The following STEAP1B variants were observed in gnomAD, a reference collection of about 807,000 sequenced individuals.
STEAP1B encodes STEAP family protein MGC87042.
STEAP1B carries 13 observed loss-of-function variants against 27.9 expected under a neutral mutation model. That is an observed-to-expected ratio of 0.47 (90% confidence interval 0.30 to 0.74). The LOEUF is 0.74. Among genes scored for constraint, STEAP1B ranks in the 30% least tolerant of loss-of-function variants. The pLI, the probability that STEAP1B is intolerant of heterozygous loss-of-function variation, is 0.06. For synonymous variants in STEAP1B, 86 were observed against 107.1 expected (o/e 0.80, Z 1.22); for missense variants, 250 against 298.7 (o/e 0.84, Z 1.20).
chr7:22,497,794 T>C (rs1273633727), intron 1 of STEAP1B, among the ~76,000 whole-genome samples: 2 of 152,200 alleles, frequency 1.3e-5, no homozygotes, highest in East Asian at 1.9e-4. Context: ...AAAGGAAGCA[T>C]GGCAACATCT....
chr7:22,481,959 T>TTAA (rs1786082384), intron 4 of STEAP1B, among the ~76,000 whole-genome samples: 1 of 152,208 alleles, frequency 6.6e-6, no homozygotes, highest in Non-Finnish European at 1.5e-5. Flanking sequence ...TCATGCCTAA[T>TTAA]TAAGTAAAAC....
chr7:22,497,207 T>C (rs10261548), intron 1 of STEAP1B, among the ~76,000 whole-genome samples: 16,206 of 152,244 alleles, frequency 0.11, 1,069 homozygotes, highest in African/African-American at 0.17. Flanking sequence ...GCATGGTCAT[T>C]CTCTGATATT....
At position 22,464,948 on chromosome 7, in the gene STEAP1B, C is replaced by CAT. The variant is rs75308240; in HGVS notation, c.762+27615_762+27616dup. On this transcript the variant is annotated intron_variant, in intron 4 of 4. Transcript: ENST00000678116. ...CGAAACCACAGACAGTACCAAACCC[C>CAT]ATATATATATATATATGTAGGCACA... Among the ~76,000 whole-genome samples, 326 of 45,032 alleles carry CAT rather than the reference C, an allele frequency of 7.2e-3. 71 individuals carry two copies. Among genetic ancestry groups the CAT allele is most frequent in the African/African-American group, 0.015 (270 of 17,788 alleles). The allele number at this position is 45,032 out of a possible 152,430, so 29.5% of individuals were successfully genotyped here.
chr7:22,482,067 TG>T (rs1456575799), intron 4 of STEAP1B, among the ~76,000 whole-genome samples: 3 of 152,196 alleles, frequency 2.0e-5, no homozygotes, highest in Non-Finnish European at 2.9e-5. Context: ...GAGCCATGTC[TG>T]GGTCTGGTCC....
chr7:22,431,681 C>T (rs1331157774), intron 4 of STEAP1B, among the ~76,000 whole-genome samples: 1 of 152,204 alleles, frequency 6.6e-6, no homozygotes, highest in East Asian at 1.9e-4. Context: ...TGACTTATAG[C>T]TGAATTTGAT....
intron 4 of STEAP1B, among the ~76,000 whole-genome samples, chr7:22,456,952 C>CTATATATATATATA (rs199847360): frequency 2.2e-4 from 16 of 73,248 alleles, no homozygotes; most frequent in East Asian, 1.6e-3. Flanking sequence ...GGATAGGCAG[C>CTATATATATATATA]TATATATATA....
chr7:22,458,579 A>G (rs1196930840), intron 4 of STEAP1B, among the ~76,000 whole-genome samples: 2 of 152,246 alleles, frequency 1.3e-5, no homozygotes, highest in East Asian at 1.9e-4. Flanking sequence ...CGCTAGAGTC[A>G]GTTGTTAAAC....
chr7:22,460,954 C>T (rs1041352200), intron 4 of STEAP1B, among the ~76,000 whole-genome samples: 4 of 152,180 alleles, frequency 2.6e-5, no homozygotes, highest in African/African-American at 9.7e-5. Context: ...TTGCTTATCA[C>T]AGAGCGTATG....
intron 4 of STEAP1B, among the ~76,000 whole-genome samples, chr7:22,467,617 T>A (rs1785807578): frequency 6.6e-6 from 1 of 152,210 alleles, no homozygotes; most frequent in South Asian, 2.1e-4. Flanking sequence ...GAGTTAAGTC[T>A]CTCAAGATCT....
At chr7:22,498,768 G>A in intron 1 of STEAP1B, among the ~76,000 whole-genome samples, 1 of 152,136 alleles carries the variant, frequency 6.6e-6, no homozygotes. Context: ...CCAGTCCTGG[G>A]GTAGCTAGCA....
intron 4 of STEAP1B, among the ~76,000 whole-genome samples, chr7:22,439,362 A>T (rs1184804898): frequency 6.6e-6 from 1 of 152,210 alleles, no homozygotes; most frequent in Non-Finnish European, 1.5e-5. Context: ...AAGAGCTGCC[A>T]CATAGCTGTA....
chr7:22,438,587 T>G, intron 4 of STEAP1B: 1 of 1,552,212 alleles, frequency 6.4e-7, no homozygotes, highest in Non-Finnish European at 8.7e-7. Flanking sequence ...TTTGAAGGGC[T>G]GGCTGCTGAT....
chr7:22,479,085 A>G (rs1786022229), intron 4 of STEAP1B, among the ~76,000 whole-genome samples: 1 of 151,774 alleles, frequency 6.6e-6, no homozygotes, highest in Non-Finnish European at 1.5e-5. Flanking sequence ...TCCACTTGGC[A>G]ATTTGATTTC....
intron 1 of STEAP1B, among the ~76,000 whole-genome samples, chr7:22,495,643 G>C (rs1439315317): frequency 6.6e-6 from 1 of 152,080 alleles, no homozygotes; most frequent in East Asian, 1.9e-4. Context: ...TATTTCCAGA[G>C]GAACACATCT....
chr7:22,434,615 T>G (rs1785232203), intron 4 of STEAP1B, among the ~76,000 whole-genome samples: 1 of 152,224 alleles, frequency 6.6e-6, no homozygotes, highest in Non-Finnish European at 1.5e-5. Flanking sequence ...TTCTAAGCAC[T>G]TATGTATTTA....
intron 4 of STEAP1B, among the ~76,000 whole-genome samples, chr7:22,471,093 T>G (rs1468112579): frequency 6.6e-6 from 1 of 152,168 alleles, no homozygotes; most frequent in East Asian, 1.9e-4. Context: ...TTCAAACTTC[T>G]AAGTCAGCAT....
In STEAP1B at chr7:22,444,426, A is replaced by T. The variant is rs536058138; in HGVS notation, c.763-24590T>A. 2.5e-3 allele frequency among the ~76,000 whole-genome samples: 370 copies of T among 150,398 alleles called. 1 individual carries two copies. The highest frequency in any genetic ancestry group is 8.5e-3 in the African/African-American group (349 of 41,066). On this transcript the variant is annotated intron_variant, in intron 4 of 4. Transcript: ENST00000678116. ...CTATTTTGCCTGTTTCCCTGTTTTA[A>T]AAAAAAAAAGTAAAAAGAAAATATA...
chr7:22,497,368 G>A (rs184444363), intron 1 of STEAP1B, among the ~76,000 whole-genome samples: 29 of 152,324 alleles, frequency 1.9e-4, no homozygotes, highest in Non-Finnish European at 3.5e-4. Flanking sequence ...CAGAACAAGA[G>A]CAGAGAAAGA....
At chr7:22,478,405 C>A (rs1012385414) in intron 4 of STEAP1B, among the ~76,000 whole-genome samples, 1 of 152,222 alleles carries the variant, frequency 6.6e-6, no homozygotes, top group Non-Finnish European at 1.5e-5. Context: ...TAGTGTCTGT[C>A]TGCTCTAATC....
Sources: gnomAD v4.1 joint callset for allele counts (sites outside exome capture counted in the v4.1 genomes callset) on GRCh38, gnomAD v4.1.1 for gene constraint, MANE v1.5 for transcripts, NCBI Gene and HGNC (gene_info 2026-07-23, HGNC 2026-07-21) for gene names.